Variants in TMC1 observed in about 807,000 individuals in gnomAD.
The protein encoded by TMC1 is transmembrane channel like 1.
Under a neutral mutation model 105.8 loss-of-function variants are expected in TMC1, and 84 were observed. That is an observed-to-expected ratio of 0.79 (90% CI 0.67 to 0.95). The LOEUF (loss-of-function observed/expected upper bound fraction) is 0.95, where lower values mean the gene tolerates loss of function less well. Among genes scored for constraint, TMC1 ranks in the 40% least tolerant of loss-of-function variants. TMC1 has a pLI of 0.00. For missense variants in TMC1, 817 were observed against 914.1 expected (o/e 0.89, Z 1.37); for synonymous variants, 315 against 311.5 (o/e 1.01, Z -0.12).
chr9:72,667,760 A>G (rs1439907847), intron 5 of TMC1, among the ~76,000 whole-genome samples: 2 of 152,200 alleles, frequency 1.3e-5, no homozygotes, highest in Non-Finnish European at 2.9e-5. Context: ...TCTTACCTCA[A>G]TGAGGCTATC....
chr9:72,639,391 A>G (rs1416848266), intron 4 of TMC1, among the ~76,000 whole-genome samples: 1 of 152,112 alleles, frequency 6.6e-6, no homozygotes, highest in Admixed American at 6.6e-5. Flanking sequence ...GACATTTGGC[A>G]CTCTACTTCT....
At chr9:72,659,244 G>A (rs1265471191) in intron 5 of TMC1, among the ~76,000 whole-genome samples, 2 of 152,228 alleles carry the variant, frequency 1.3e-5, no homozygotes, top group African/African-American at 4.8e-5. Context: ...TTCTCAAAAT[G>A]AGGTGGTTCC....
chr9:72,742,385 TA>T, intron 9 of TMC1, 58 bp from the exon 10 acceptor site: 1 of 1,356,114 alleles, frequency 7.4e-7, no homozygotes, highest in Non-Finnish European at 1.1e-6. Flanking sequence ...AGGTGGGGGA[TA>T]AACATCTTGA....
At chr9:72,802,797 C>T (rs1828498805) in intron 17 of TMC1, among the ~76,000 whole-genome samples, 1 of 152,108 alleles carries the variant, frequency 6.6e-6, no homozygotes. Context: ...GTGAAAACGG[C>T]CATACTGCCC....
At chr9:72,550,026 G>A (rs1294609196) in intron 1 of TMC1, among the ~76,000 whole-genome samples, 1 of 151,934 alleles carries the variant, frequency 6.6e-6, no homozygotes, top group Non-Finnish European at 1.5e-5. Context: ...AGGATTACAG[G>A]CGTGAGCCAC....
intron 5 of TMC1, among the ~76,000 whole-genome samples, chr9:72,685,260 C>T (rs186719960): frequency 5.9e-4 from 90 of 151,578 alleles, no homozygotes; most frequent in Non-Finnish European, 1.6e-4. Flanking sequence ...GCGCCCACCA[C>T]CACACCCGGA....
At chr9:72,814,641 G>A (rs1040903808) in intron 18 of TMC1, among the ~76,000 whole-genome samples, 1 of 152,054 alleles carries the variant, frequency 6.6e-6, no homozygotes, top group African/African-American at 2.4e-5. Flanking sequence ...TTCCTGTTAT[G>A]CCATACTTGC....
chr9:72,731,830 A>G (rs1265092422), intron 8 of TMC1, among the ~76,000 whole-genome samples: 1 of 152,144 alleles, frequency 6.6e-6, no homozygotes, highest in Non-Finnish European at 1.5e-5. Context: ...TCCTTTGACC[A>G]TGTAACTGAA....
At chr9:72,697,404 T>A (rs1826568604) in intron 7 of TMC1, among the ~76,000 whole-genome samples, 1 of 152,132 alleles carries the variant, frequency 6.6e-6, no homozygotes, top group Non-Finnish European at 1.5e-5. Context: ...TATTATGACA[T>A]AAGAAAGTAT....
chr9:72,690,798 G>T (rs1396170090), intron 6 of TMC1, among the ~76,000 whole-genome samples: 1 of 152,054 alleles, frequency 6.6e-6, no homozygotes, highest in African/African-American at 2.4e-5. Context: ...TATTGGTGTG[G>T]ATTTATTTGG....
intron 8 of TMC1, among the ~76,000 whole-genome samples, chr9:72,717,888 T>C (rs578149368): frequency 8.3e-4 from 126 of 152,310 alleles, no homozygotes; most frequent in African/African-American, 2.9e-3. Flanking sequence ...CCAAATATGT[T>C]TTCCAAACTT....
chr9:72,566,003 T>C (rs1824146109), intron 1 of TMC1, among the ~76,000 whole-genome samples: 1 of 152,126 alleles, frequency 6.6e-6, no homozygotes, highest in African/African-American at 2.4e-5. Context: ...TATAAATTTT[T>C]TCACTAGTGA....
At chr9:72,637,339 T>C (rs896739656) in intron 4 of TMC1, among the ~76,000 whole-genome samples, 1 of 151,880 alleles carries the variant, frequency 6.6e-6, no homozygotes, top group Non-Finnish European at 1.5e-5. Context: ...ACTCTCCTAC[T>C]CTATACGTTC....
chr9:72,756,649 C>T (rs551446337), intron 12 of TMC1, among the ~76,000 whole-genome samples: 8 of 152,210 alleles, frequency 5.3e-5, no homozygotes, highest in South Asian at 2.1e-4. Flanking sequence ...AGAACAAGGA[C>T]GAAGATCACT....
intron 1 of TMC1, among the ~76,000 whole-genome samples, chr9:72,561,384 CT>C (rs1308027302): frequency 6.8e-6 from 1 of 146,466 alleles, no homozygotes; most frequent in Non-Finnish European, 1.5e-5. Context: ...TTCTATTATT[CT>C]TCTCTGATCC....
Position 72,792,247 on chromosome 9 carries a change from C to A in TMC1, c.1461C>A (p.Ile487=). ...ANITLWEANM[I]KAYNASFSEN... ...TTACCCTTTGGGAAGCCAATATGAT[C>A]AAGGCCTACAATGCATCATTCTCTG... The change falls in exon 17 of 24, where the codon ATC becomes ATA. Residue 487 remains isoleucine, a synonymous_variant. Transcript: ENST00000297784. 1.9e-6 allele frequency: 3 copies of A among 1,614,126 alleles called. No individual in the cohort carries two copies. The highest frequency in any genetic ancestry group is 2.5e-6 in the Non-Finnish European group (3 of 1,180,014).
At chr9:72,549,263 T>C (rs1258881982) in intron 1 of TMC1, among the ~76,000 whole-genome samples, 1 of 152,120 alleles carries the variant, frequency 6.6e-6, no homozygotes, top group Non-Finnish European at 1.5e-5. Flanking sequence ...TATTCATTAA[T>C]TTTTTTGTGT....
chr9:72,811,980 G>A (rs1308330233), intron 18 of TMC1, among the ~76,000 whole-genome samples: 1 of 152,188 alleles, frequency 6.6e-6, no homozygotes, highest in Non-Finnish European at 1.5e-5. Context: ...GAGGCTTAGA[G>A]GATGTTAAAT....
At chr9:72,634,227 G>A (rs1361969801) in intron 4 of TMC1, among the ~76,000 whole-genome samples, 2 of 152,118 alleles carry the variant, frequency 1.3e-5, no homozygotes, top group East Asian at 1.9e-4. Flanking sequence ...TCACAGGTCC[G>A]GGTGGAGTCA....
Sources: gnomAD v4.1 joint callset for allele counts (sites outside exome capture counted in the v4.1 genomes callset) on GRCh38, gnomAD v4.1.1 for gene constraint, MANE v1.5 for transcripts, NCBI Gene and HGNC (gene_info 2026-07-23, HGNC 2026-07-21) for gene names.